Variants in TMED8 observed in about 807,000 individuals in gnomAD.
TMED8 encodes transmembrane p24 trafficking protein family member 8, also known as protein TMED8.
In TMED8, 15 loss-of-function variants were observed where a neutral mutation model predicts 32.7. The ratio of observed to expected loss-of-function variants is 0.46; its 90% CI spans 0.31 to 0.71. The LOEUF is 0.71. Ranked by LOEUF, TMED8 falls within the 30% of genes least tolerant of loss-of-function variation. The probability of loss-of-function intolerance (pLI) is 0.06; values close to 1 mark genes in which losing one functional copy is unlikely to be tolerated. For synonymous variants in TMED8, 147 were observed against 161.4 expected, an observed-to-expected ratio of 0.91 and a Z score of 0.68; for missense variants, 390 against 423.9, an observed-to-expected ratio of 0.92 and a Z score of 0.70.
Position 77,376,945 on chromosome 14 carries a change from C to A in TMED8, c.109G>T (p.Ala37Ser). ...DCQGVEGSQA[A>S]ASENEDLENK... ...CCCCGGCCTTGCGTACCTGAGGCGG[C>A]CGCCTGGCTCCCCTCCACTCCCTGG... The change falls in exon 1 of 6, where the codon GCC (alanine) becomes TCC (serine). Residue 37 changes from alanine (A) to serine (S), a missense_variant. Physicochemically the swap from Ala to Ser is moderately conservative, Grantham distance 99. Coordinates refer to ENST00000216468, the MANE Select transcript of TMED8 (RefSeq NM_213601.3). The surrounding 1 kb of genome is among the most constrained non-coding windows in gnomAD (Gnocchi z 4.0). The A allele has an allele frequency of 6.9e-7, 1 of 1,453,958 alleles. No individual in the cohort carries two copies. The highest frequency in any genetic ancestry group is 9.0e-7 in the Non-Finnish European group (1 of 1,110,220). 90.1% of individuals were successfully genotyped at this position (1,453,958 alleles called of 1,614,324 possible). A position where few individuals can be genotyped will look rare whatever the true frequency, so the allele number is the denominator to read the frequency against.
chr14:77,358,351 G>C (rs1002363450), intron 1 of TMED8, among the ~76,000 whole-genome samples: 1 of 151,332 alleles, frequency 6.6e-6, no homozygotes, highest in African/African-American at 2.4e-5. Flanking sequence ...GCCCAGGCTA[G>C]AGTGCAGTGG....
rs751740942 is a variant in TMED8, at chr14:77,341,946, G to T, written c.803C>A (p.Ser268Tyr). ...AGDVERGSRS[S>Y]LRGRYGEVMP... ...GACCTCCCCATAGCGACCCCGCAAG[G>T]AGCTCCTGGAGCCTCTCTCCACATC... Residue 268 changes from serine to tyrosine, a missense_variant, in exon 6 of 6, where the codon TCC becomes TAC. Physicochemically the swap from Ser to Tyr is moderately radical, Grantham distance 144. Coordinates refer to ENST00000216468, the MANE Select transcript of TMED8 (RefSeq NM_213601.3). The T allele has an allele frequency of 6.2e-7, 1 of 1,614,026 alleles. No individual in the cohort carries two copies. The highest frequency in any genetic ancestry group is 1.7e-5 in the Admixed American group (1 of 60,018).
chr14:77,340,441 G>C lies in TMED8; in HGVS notation c.*1330C>G, dbSNP rs1892868010. On this transcript the variant is annotated 3_prime_UTR_variant, in exon 6 of 6. Coordinates refer to ENST00000216468, the MANE Select transcript of TMED8 (RefSeq NM_213601.3). ...AATTATTCTTCAGAATTCGTAGGCA[G>C]TAACAGACATAACACGAGGAGTAAG... 6.6e-6 allele frequency: 1 copy of C among 152,208 alleles called. No homozygotes were observed. Among genetic ancestry groups the C allele is most frequent in the Non-Finnish European group, 1.5e-5 (1 of 68,028 alleles). 9.4% of individuals were successfully genotyped at this position (152,208 alleles called of 1,614,324 possible). A position where few individuals can be genotyped will look rare whatever the true frequency, so the allele number is the denominator to read the frequency against.
intron 5 of TMED8, 114 bp downstream of exon 5, chr14:77,343,064 G>T: frequency 1.9e-6 from 2 of 1,054,932 alleles, no homozygotes; most frequent in Non-Finnish European, 2.7e-6. Flanking sequence ...AGCTTGTAAT[G>T]CTGAGTTTCT....
At chr14:77,364,783 T>G (rs1217576113) in intron 1 of TMED8, among the ~76,000 whole-genome samples, 1 of 152,218 alleles carries the variant, frequency 6.6e-6, no homozygotes, top group Non-Finnish European at 1.5e-5. Flanking sequence ...ACATTAACAC[T>G]TTTATACACA....
At chr14:77,374,604 T>C (rs1893771445) in intron 1 of TMED8, among the ~76,000 whole-genome samples, 1 of 152,190 alleles carries the variant, frequency 6.6e-6, no homozygotes. Context: ...CAACCCTAAT[T>C]CTTCACATTC....
At chr14:77,348,975 T>C (rs1893115939) in intron 2 of TMED8, among the ~76,000 whole-genome samples, 1 of 152,150 alleles carries the variant, frequency 6.6e-6, no homozygotes, top group Non-Finnish European at 1.5e-5. Context: ...TTATAGTCCA[T>C]TTCTGTTTCT....
At chr14:77,350,613 T>G (rs992322506) in intron 2 of TMED8, among the ~76,000 whole-genome samples, 1 of 152,204 alleles carries the variant, frequency 6.6e-6, no homozygotes. Flanking sequence ...TTTGTCTTTG[T>G]GCATGCTACT....
At chr14:77,364,339 C>T (rs546661147) in intron 1 of TMED8, among the ~76,000 whole-genome samples, 1 of 151,928 alleles carries the variant, frequency 6.6e-6, no homozygotes, top group Non-Finnish European at 1.5e-5. Context: ...CAGCCTTAAC[C>T]TCTCGAGTAG....
intron 1 of TMED8, among the ~76,000 whole-genome samples, chr14:77,374,281 C>T (rs1196104757): frequency 6.6e-6 from 1 of 152,216 alleles, no homozygotes; most frequent in Non-Finnish European, 1.5e-5. Flanking sequence ...TTGGGGTTTA[C>T]GCCCAAGCCT....
chr14:77,346,864 T>C (rs1334034554), intron 2 of TMED8, among the ~76,000 whole-genome samples: 2 of 151,544 alleles, frequency 1.3e-5, no homozygotes, highest in African/African-American at 2.4e-5. Context: ...TGTTTTGATA[T>C]ATGTACACAT....
chr14:77,359,883 A>G (rs1411739616), intron 1 of TMED8: 1 of 167,476 alleles, frequency 6.0e-6, no homozygotes, highest in Non-Finnish European at 1.3e-5. Flanking sequence ...GCTTTCAACA[A>G]CTATGACAAA....
chr14:77,372,928 ATATATATATATATATATATATATATT>A (rs1893711904), intron 1 of TMED8, among the ~76,000 whole-genome samples: 7 of 26,418 alleles, frequency 2.6e-4, no homozygotes, highest in African/African-American at 2.0e-3. Context: ...ATATATATAT[ATATATATATATATATATATATATATT>A]TTTTTTTTTT....
At position 77,367,199 on chromosome 14, in the gene TMED8, A is replaced by G. The variant is rs547605930; in HGVS notation, c.118+9737T>C. On this transcript the variant is annotated intron_variant, in intron 1 of 5. Transcript: ENST00000216468. ...AGAGGTTGCAGTGAGCCGAGATCACACCACTGCACTCCAGCCTGGGTGACA... is the reference window on the plus strand; with the variant it reads ...AGAGGTTGCAGTGAGCCGAGATCACGCCACTGCACTCCAGCCTGGGTGACA... Among the ~76,000 whole-genome samples, 676 of 141,006 alleles carry G rather than the reference A, an allele frequency of 4.8e-3. 4 individuals carry two copies. Among genetic ancestry groups the G allele is most frequent in the African/African-American group, 0.017 (654 of 37,406 alleles). 92.5% of individuals were successfully genotyped at this position (141,006 alleles called of 152,430 possible).
intron 1 of TMED8, among the ~76,000 whole-genome samples, chr14:77,361,752 T>C (rs1252681673): frequency 6.6e-6 from 1 of 152,210 alleles, no homozygotes; most frequent in African/African-American, 2.4e-5. Context: ...CATCAGTGTT[T>C]TATAGTCTTA....
At chr14:77,355,364 T>G (rs751504423) in intron 1 of TMED8, among the ~76,000 whole-genome samples, 1 of 151,964 alleles carries the variant, frequency 6.6e-6, no homozygotes, top group Non-Finnish European at 1.5e-5. Flanking sequence ...CCGGCTAATT[T>G]TTTGTATTTT....
chr14:77,367,240 TAAAAAAA>T (rs56707120), intron 1 of TMED8, among the ~76,000 whole-genome samples: 2 of 25,100 alleles, frequency 8.0e-5, no homozygotes, highest in Non-Finnish European at 1.7e-4. Context: ...AGACTCTGTC[TAAAAAAA>T]AAAAAAAAAA....
chr14:77,364,025 T>A (rs1038461264), intron 1 of TMED8, among the ~76,000 whole-genome samples: 8 of 152,264 alleles, frequency 5.3e-5, no homozygotes, highest in African/African-American at 1.9e-4. Flanking sequence ...ACAAGGATCA[T>A]CTATTTTACA....
In TMED8 at chr14:77,335,442, A is replaced by C. The variant is rs987998094; in HGVS notation, c.*6329T>G. On this transcript the variant is annotated 3_prime_UTR_variant, in exon 6 of 6. Coordinates refer to ENST00000216468, the MANE Select transcript of TMED8 (RefSeq NM_213601.3). ...CTTTTTGTAATGTCAGCAACAGTAC[A>C]TGATATAGAACAGTAAGAAAATAAT... The C allele has an allele frequency of 6.6e-6, 1 of 152,250 alleles. No homozygotes were observed. The highest frequency in any genetic ancestry group is 1.5e-5 in the Non-Finnish European group (1 of 68,034). 9.4% of individuals were successfully genotyped at this position (152,250 alleles called of 1,614,324 possible). A position where few individuals can be genotyped will look rare whatever the true frequency, so the allele number is the denominator to read the frequency against.
Sources: allele counts gnomAD v4.1 joint callset (sites outside exome capture counted in the v4.1 genomes callset), GRCh38; gene constraint gnomAD v4.1.1; non-coding constraint Gnocchi (gnomAD v3.1); transcripts MANE v1.5; gene names NCBI Gene and HGNC (gene_info 2026-07-23, HGNC 2026-07-21).